Variants in PCGF6 observed in about 807,000 individuals in gnomAD.
The protein encoded by PCGF6 is polycomb group RING finger protein 6.
PCGF6 carries 24 observed loss-of-function variants against 45.5 expected under a neutral mutation model. The observed-to-expected ratio is 0.53, with a 90% CI of 0.38 to 0.74. The LOEUF is 0.74. Ranked by LOEUF, PCGF6 falls within the 30% of genes least tolerant of loss-of-function variation. The pLI is 0.00. For missense variants in PCGF6, 356 were observed against 443.2 expected (o/e 0.80, Z 1.77); for synonymous variants, 152 against 162.1 (o/e 0.94, Z 0.47).
At chr10:103,345,156 G>A in intron 5 of PCGF6, 24 bp from the exon 6 acceptor site, 1 of 1,475,040 alleles carries the variant, frequency 6.8e-7, no homozygotes, top group East Asian at 2.3e-5. Flanking sequence ...AAACAAAAAT[G>A]TTAATTAAGA....
intron 9 of PCGF6, among the ~76,000 whole-genome samples, chr10:103,307,885 T>C (rs895601805): frequency 1.3e-5 from 2 of 152,234 alleles, no homozygotes; most frequent in Admixed American, 6.5e-5. Context: ...GCAGACTTAA[T>C]GACTATGGTT....
intron 8 of PCGF6, among the ~76,000 whole-genome samples, chr10:103,320,938 C>G (rs2093195068): frequency 6.6e-6 from 1 of 152,154 alleles, no homozygotes; most frequent in African/African-American, 2.4e-5. Context: ...AGTCTGATGA[C>G]TAGCAAACCA....
At chr10:103,306,276 T>C (rs1425540832) in intron 9 of PCGF6, among the ~76,000 whole-genome samples, 1 of 152,120 alleles carries the variant, frequency 6.6e-6, no homozygotes, top group East Asian at 1.9e-4. Flanking sequence ...TTTTGTATTT[T>C]GAGTAGAGAT....
rs1191562801 is a variant in PCGF6, at chr10:103,349,554, C to T, written c.361-555G>A. Among the ~76,000 whole-genome samples the T allele has an allele frequency of 3.4e-4, 46 of 135,666 alleles. No individual in the cohort carries two copies. The Admixed American group carries it at 3.5e-3, about 10-fold the overall frequency. The allele number at this position is 135,666 out of a possible 152,430, so 89.0% of individuals were successfully genotyped here. A position where few individuals can be genotyped will look rare whatever the true frequency, so the allele number is the denominator to read the frequency against. ...GGAGTGCAGCGGCAAGATCTCGGCT[C>T]ACTGCAACCTCCGCCTCCCAGATTC... On this transcript the variant is annotated intron_variant, in intron 1 of 9. Transcript: ENST00000369847.
intron 9 of PCGF6, among the ~76,000 whole-genome samples, chr10:103,305,639 G>T (rs1048160416): frequency 6.6e-6 from 1 of 152,020 alleles, no homozygotes; most frequent in Non-Finnish European, 1.5e-5. Flanking sequence ...ACAACGCATC[G>T]CAGATCTGTT....
intron 7 of PCGF6, among the ~76,000 whole-genome samples, chr10:103,330,411 C>A (rs1188125466): frequency 6.6e-6 from 1 of 151,846 alleles, no homozygotes; most frequent in African/African-American, 2.4e-5. Context: ...ATTTTTATAT[C>A]CCCAAAATGT....
intron 8 of PCGF6, among the ~76,000 whole-genome samples, chr10:103,320,731 T>C (rs1269471729): frequency 6.6e-6 from 1 of 151,476 alleles, no homozygotes; most frequent in Admixed American, 6.6e-5. Flanking sequence ...TTTGGAATTG[T>C]CTTGTTTTTA....
intron 6 of PCGF6, among the ~76,000 whole-genome samples, chr10:103,338,466 AC>A (rs910831201): frequency 1.2e-4 from 18 of 148,888 alleles, no homozygotes; most frequent in African/African-American, 3.2e-4. Flanking sequence ...AATGGCATGA[AC>A]CCGGGAGGCG....
chr10:103,319,304 T>A (rs915249999), intron 8 of PCGF6, among the ~76,000 whole-genome samples: 1 of 152,062 alleles, frequency 6.6e-6, no homozygotes, highest in Non-Finnish European at 1.5e-5. Flanking sequence ...CGTACCACCA[T>A]GCCCAGCTAA....
At chr10:103,317,922 C>T (rs976993309) in intron 8 of PCGF6, among the ~76,000 whole-genome samples, 4 of 151,330 alleles carry the variant, frequency 2.6e-5, no homozygotes, top group African/African-American at 7.3e-5. Flanking sequence ...CCACGCATGG[C>T]TAATTTTGTA....
intron 6 of PCGF6, among the ~76,000 whole-genome samples, chr10:103,340,785 TAG>T (rs924968807): frequency 3.9e-5 from 6 of 152,072 alleles, no homozygotes; most frequent in East Asian, 1.9e-4. Flanking sequence ...TATTTTTTTG[TAG>T]AGACAGGGTT....
chr10:103,314,075 A>G (rs1455997378), intron 9 of PCGF6, 111 bp downstream of exon 9: 2 of 446,596 alleles, frequency 4.5e-6, no homozygotes, highest in Non-Finnish European at 7.8e-6. Flanking sequence ...TATTATTTAT[A>G]GTGTAGGTAA....
intron 6 of PCGF6, among the ~76,000 whole-genome samples, chr10:103,337,206 C>T (rs140526272): frequency 8.5e-4 from 129 of 152,272 alleles, no homozygotes; most frequent in African/African-American, 2.8e-3. Flanking sequence ...GAGTGGGATA[C>T]TACTCTCGGG....
At chr10:103,333,488 G>T (rs540163017) in intron 7 of PCGF6, among the ~76,000 whole-genome samples, 1 of 151,958 alleles carries the variant, frequency 6.6e-6, no homozygotes, top group African/African-American at 2.4e-5. Context: ...CTGTGATTTC[G>T]GAATCTTTAA....
chr10:103,318,505 G>A (rs1485688307), intron 8 of PCGF6, among the ~76,000 whole-genome samples: 1 of 151,892 alleles, frequency 6.6e-6, no homozygotes, highest in East Asian at 1.9e-4. Flanking sequence ...AGCACTTTGG[G>A]AGGCTGAGGC....
intron 9 of PCGF6, among the ~76,000 whole-genome samples, chr10:103,308,708 C>CA (rs1327976329): frequency 1.3e-5 from 2 of 151,568 alleles, no homozygotes; most frequent in African/African-American, 2.4e-5. Context: ...CCCATCTCTA[C>CA]AAAAAAATAC....
In PCGF6 at chr10:103,345,205, C is replaced by T. The variant is rs544684926; in HGVS notation, c.674-73G>A. The T allele has an allele frequency of 1.7e-5, 18 of 1,031,292 alleles. No individual in the cohort carries two copies. The East Asian group carries it at 4.2e-4, about 24-fold the overall frequency. The allele number at this position is 1,031,292 out of a possible 1,614,324, so 63.9% of individuals were successfully genotyped here. ...AAATTGAGATCTTTGGAAAAATACACAAGTATTATAATTATGTTGAGTATT... is the reference window on the plus strand; with the variant it reads ...AAATTGAGATCTTTGGAAAAATACATAAGTATTATAATTATGTTGAGTATT... On this transcript the variant is annotated intron_variant, in intron 5 of 9. Coordinates refer to ENST00000369847, the MANE Select transcript of PCGF6 (RefSeq NM_001011663.2).
chr10:103,307,262 G>A (rs1302658483), intron 9 of PCGF6, among the ~76,000 whole-genome samples: 1 of 152,034 alleles, frequency 6.6e-6, no homozygotes, highest in Non-Finnish European at 1.5e-5. Context: ...GGGCAACAAA[G>A]TGAGACCCCC....
chr10:103,318,300 G>A (rs1466240786), intron 8 of PCGF6, among the ~76,000 whole-genome samples: 1 of 151,344 alleles, frequency 6.6e-6, no homozygotes, highest in East Asian at 2.0e-4. Flanking sequence ...AAAATAAGCT[G>A]GGTGTGGTGG....
Sources: gnomAD v4.1 joint callset for allele counts (sites outside exome capture counted in the v4.1 genomes callset) on GRCh38, gnomAD v4.1.1 for gene constraint, MANE v1.5 for transcripts, NCBI Gene and HGNC (gene_info 2026-07-23, HGNC 2026-07-21) for gene names.